Variants in NUCKS1 observed in about 807,000 individuals in gnomAD.
NUCKS1 encodes the protein nuclear ubiquitous casein and cyclin-dependent kinase substrate 1.
Under a neutral mutation model 33.0 loss-of-function variants are expected in NUCKS1, and 2 were observed. That is an observed-to-expected ratio of 0.06 (90% CI 0.02 to 0.19). The LOEUF (loss-of-function observed/expected upper bound fraction) is 0.19. NUCKS1 is among the 10% of genes least tolerant of loss of function. The pLI is 1.00. For synonymous variants in NUCKS1, 106 were observed against 102.8 expected (o/e 1.03, Z -0.19); for missense variants, 201 against 293.6 (o/e 0.68, Z 2.31).
chr1:205,729,559 C>A lies in NUCKS1; in HGVS notation c.67+13G>T. The A allele has an allele frequency of 6.2e-7, 1 of 1,607,308 alleles. No homozygotes were observed. The highest frequency in any genetic ancestry group is 8.5e-7 in the Non-Finnish European group (1 of 1,173,874). On this transcript the variant is annotated intron_variant, in intron 2 of 6. Coordinates refer to ENST00000367142, the MANE Select transcript of NUCKS1 (RefSeq NM_022731.5). ...CAGTCCAACTTAAAATTTGTTGAAA[C>A]CACAAAACTTACCTGCATCATCAGA...
At chr1:205,748,578 G>C (rs1196239511) in intron 1 of NUCKS1, among the ~76,000 whole-genome samples, 1 of 152,218 alleles carries the variant, frequency 6.6e-6, no homozygotes, top group East Asian at 1.9e-4. Flanking sequence ...TACCACAGAT[G>C]CTGATTGAAA....
rs1448600327 is a variant in NUCKS1 at position 205,715,249 on chromosome 1, G to A, written c.*3031C>T. ...TAAGTATTAAAATGAGGATTGAACT[G>A]GGGCAAACAGGTTATTGTGAAAACA... On this transcript the variant is annotated 3_prime_UTR_variant, in exon 7 of 7. Coordinates refer to ENST00000367142, the MANE Select transcript of NUCKS1 (RefSeq NM_022731.5). 1 of 152,190 alleles carries A rather than the reference G, an allele frequency of 6.6e-6. No homozygotes were observed. The highest frequency in any genetic ancestry group is 6.5e-5 in the Admixed American group (1 of 15,282). The allele number at this position is 152,190 out of a possible 1,614,324, so 9.4% of individuals were successfully genotyped here. A position where few individuals can be genotyped will look rare whatever the true frequency, so the allele number is the denominator to read the frequency against.
chr1:205,740,713 T>C (rs966950190), intron 1 of NUCKS1, among the ~76,000 whole-genome samples: 3 of 151,940 alleles, frequency 2.0e-5, no homozygotes, highest in Admixed American at 6.6e-5. Flanking sequence ...AAAGAGCTCC[T>C]AATTTTTTCA....
At chr1:205,744,879 G>A (rs1292793357) in intron 1 of NUCKS1, among the ~76,000 whole-genome samples, 3 of 151,988 alleles carry the variant, frequency 2.0e-5, no homozygotes, top group East Asian at 3.9e-4. Context: ...TGATCTGCCC[G>A]CCTCAGCCTC....
chr1:205,733,851 C>G (rs1053407964), intron 1 of NUCKS1, among the ~76,000 whole-genome samples: 2 of 152,038 alleles, frequency 1.3e-5, no homozygotes, highest in Non-Finnish European at 2.9e-5. Context: ...ACCTACCTAC[C>G]TATCTTCCAT....
intron 1 of NUCKS1, among the ~76,000 whole-genome samples, chr1:205,731,895 C>CA (rs34020544): frequency 0.014 from 1,598 of 111,700 alleles, 9 homozygotes; most frequent in East Asian, 0.025. Context: ...GACTCCGTCT[C>CA]AAAAAAAAAA....
At chr1:205,744,655 G>A (rs1001741178) in intron 1 of NUCKS1, among the ~76,000 whole-genome samples, 1 of 3,194 alleles carries the variant, frequency 3.1e-4, no homozygotes, top group Non-Finnish European at 7.5e-4. Flanking sequence ...TTTTTGAGAC[G>A]GAGTTTCGCC....
At chr1:205,749,927 C>T in intron 1 of NUCKS1, 30 bp downstream of exon 1, 1 of 1,605,876 alleles carries the variant, frequency 6.2e-7, no homozygotes, top group Non-Finnish European at 8.5e-7. Context: ...CCCCCTCCAA[C>T]CCGCTCCAGG....
chr1:205,717,232 A>G lies in NUCKS1; in HGVS notation c.*1048T>C. 2.5e-6 allele frequency: 2 copies of G among 808,372 alleles called. No individual in the cohort carries two copies. The highest frequency in any genetic ancestry group is 3.0e-6 in the Non-Finnish European group (2 of 666,574). The allele number at this position is 808,372 out of a possible 1,614,324, so 50.1% of individuals were successfully genotyped here. A position where few individuals can be genotyped will look rare whatever the true frequency, so the allele number is the denominator to read the frequency against. ...TAATGGGACCTGAATGCACATTTAT[A>G]GCATAAAAGAATGTCAATTCTATTT... On this transcript the variant is annotated 3_prime_UTR_variant, in exon 7 of 7. Transcript: ENST00000367142.
rs182054129 is a variant in NUCKS1 at position 205,713,684 on chromosome 1, C to T, written c.*4596G>A. The T allele has an allele frequency of 6.6e-6, 1 of 152,258 alleles. No homozygotes were observed. Among genetic ancestry groups the T allele is most frequent in the East Asian group, 1.9e-4 (1 of 5,192 alleles). 9.4% of individuals were successfully genotyped at this position (152,258 alleles called of 1,614,324 possible). On this transcript the variant is annotated 3_prime_UTR_variant, in exon 7 of 7. Transcript: ENST00000367142. ...ATTCAAACTTTAACTTCCTTAGTAC[C>T]ATGCTGCAGATTTCAGCACTGTTAA...
chr1:205,732,479 A>G (rs1653938782), intron 1 of NUCKS1, among the ~76,000 whole-genome samples: 1 of 152,136 alleles, frequency 6.6e-6, no homozygotes, highest in African/African-American at 2.4e-5. Flanking sequence ...ACTGAACTAT[A>G]CACTTAAAAA....
Position 205,718,358 on chromosome 1 carries a change from C to A in NUCKS1, c.654G>T (p.Lys218Asn). ...CGGGTGGGGGGCTTGTAGATGTTTTCTTTTCTGGCGGGCTTTCCGGTTCCT... is the reference window on the plus strand; with the variant it reads ...CGGGTGGGGGGCTTGTAGATGTTTTATTTTCTGGCGGGCTTTCCGGTTCCT... ...EDEEPESPPE[K>N]KTSTSPPPEK... Residue 218 changes from lysine (K) to asparagine (N), a missense_variant, in exon 7 of 7, where the codon AAG becomes AAT. Physicochemically the swap from Lys to Asn is moderately conservative, Grantham distance 94. Coordinates refer to ENST00000367142, the MANE Select transcript of NUCKS1 (RefSeq NM_022731.5). 6.2e-7 allele frequency: 1 copy of A among 1,613,406 alleles called. No individual in the cohort carries two copies. The highest frequency in any genetic ancestry group is 1.7e-5 in the Admixed American group (1 of 59,928).
chr1:205,736,867 C>A (rs1654047329), intron 1 of NUCKS1, among the ~76,000 whole-genome samples: 1 of 151,408 alleles, frequency 6.6e-6, no homozygotes, highest in African/African-American at 2.4e-5. Flanking sequence ...TTAAATAGTT[C>A]TTTACAAGGA....
intron 1 of NUCKS1, among the ~76,000 whole-genome samples, chr1:205,749,159 G>C (rs1204231118): frequency 6.6e-6 from 1 of 152,218 alleles, no homozygotes; most frequent in African/African-American, 2.4e-5. Flanking sequence ...ACGGGATTTG[G>C]GCCGTGCTGT....
intron 3 of NUCKS1, 26 bp from the exon 4 acceptor site, chr1:205,724,007 T>C (rs766082360): frequency 1.3e-6 from 2 of 1,567,438 alleles, no homozygotes; most frequent in Admixed American, 1.7e-5. Context: ...AAAAAGCAAA[T>C]GCATAAAAGT....
At chr1:205,728,414 CATTATGGGAT>C (rs1441962077) in intron 2 of NUCKS1, among the ~76,000 whole-genome samples, 2 of 152,024 alleles carry the variant, frequency 1.3e-5, no homozygotes, top group Admixed American at 1.3e-4. Flanking sequence ...TTATAAATTC[CATTATGGGAT>C]ATTATATAAC....
At chr1:205,746,972 G>T (rs1014972846) in intron 1 of NUCKS1, among the ~76,000 whole-genome samples, 1 of 152,088 alleles carries the variant, frequency 6.6e-6, no homozygotes, top group African/African-American at 2.4e-5. Flanking sequence ...CAAGAAATCT[G>T]GTTTCTAGTT....
chr1:205,728,875 T>C (rs1653840236), intron 2 of NUCKS1, among the ~76,000 whole-genome samples: 1 of 152,190 alleles, frequency 6.6e-6, no homozygotes, highest in Admixed American at 6.5e-5. Context: ...AAAAACATAA[T>C]ACAAGGCACA....
At chr1:205,748,764 C>T (rs2102452939) in intron 1 of NUCKS1, among the ~76,000 whole-genome samples, 2 of 152,322 alleles carry the variant, frequency 1.3e-5, no homozygotes, top group East Asian at 3.9e-4. Context: ...CCGTTTCCCA[C>T]ACAACTTGGA....
Sources: allele counts gnomAD v4.1 joint callset (sites outside exome capture counted in the v4.1 genomes callset), GRCh38; gene constraint gnomAD v4.1.1; transcripts MANE v1.5; gene names NCBI Gene and HGNC (gene_info 2026-07-23, HGNC 2026-07-21).